CNTN5: variants seen among roughly 807,000 people sequenced by gnomAD.
CNTN5 encodes the protein contactin 5, also known as contactin-5.
Under a neutral mutation model 129.1 loss-of-function variants are expected in CNTN5, and 77 were observed. The observed-to-expected ratio is 0.60, with a 90% confidence interval of 0.50 to 0.72. CNTN5 has a LOEUF of 0.72. Ranked by LOEUF, CNTN5 falls within the 30% of genes least tolerant of loss-of-function variation. CNTN5 has a pLI of 0.00. For synonymous variants in CNTN5, 509 were observed against 465.6 expected, an observed-to-expected ratio of 1.09 and a Z score of -1.20; for missense variants, 1,478 against 1,328.8, an observed-to-expected ratio of 1.11 and a Z score of -1.75.
At chr11:99,318,133 A>G (rs1003727732) in intron 1 of CNTN5, among the ~76,000 whole-genome samples, 1 of 152,252 alleles carries the variant, frequency 6.6e-6, no homozygotes, top group Admixed American at 6.5e-5. Context: ...ATCTTCTTAC[A>G]TGTACATTAT....
chr11:100,032,058 A>T (rs535751418), intron 9 of CNTN5, among the ~76,000 whole-genome samples: 1 of 152,186 alleles, frequency 6.6e-6, no homozygotes, highest in Non-Finnish European at 1.5e-5. Flanking sequence ...GCCAGATCCC[A>T]CAATAAAAGT....
At chr11:99,759,156 A>G (rs1944496590) in intron 3 of CNTN5, among the ~76,000 whole-genome samples, 1 of 152,098 alleles carries the variant, frequency 6.6e-6, no homozygotes, top group African/African-American at 2.4e-5. Context: ...AGGTGTTAAG[A>G]AATTTGCCCT....
intron 2 of CNTN5, among the ~76,000 whole-genome samples, chr11:99,465,736 G>C (rs1944905807): frequency 6.6e-6 from 1 of 151,980 alleles, no homozygotes; most frequent in Non-Finnish European, 1.5e-5. Context: ...TTGGCTTATG[G>C]TGCCGCAGGC....
At chr11:99,480,580 G>C (rs1028055694) in intron 2 of CNTN5, among the ~76,000 whole-genome samples, 9 of 152,124 alleles carry the variant, frequency 5.9e-5, no homozygotes, top group African/African-American at 1.9e-4. Context: ...TTGAATGTTT[G>C]CATATTCTTG....
At chr11:100,165,455 G>GCCT (rs1380087706) in intron 13 of CNTN5, among the ~76,000 whole-genome samples, 1 of 72,312 alleles carries the variant, frequency 1.4e-5, no homozygotes, top group Non-Finnish European at 2.3e-5. Flanking sequence ...ATTGAAAAGT[G>GCCT]ACTAATGTAT....
chr11:99,806,396 G>A (rs1946270545), intron 3 of CNTN5, among the ~76,000 whole-genome samples: 1 of 152,104 alleles, frequency 6.6e-6, no homozygotes, highest in African/African-American at 2.4e-5. Context: ...AAGTGCCATG[G>A]AAGAAAGTAA....
chr11:99,309,085 G>A (rs1213334323), intron 1 of CNTN5, among the ~76,000 whole-genome samples: 1 of 151,878 alleles, frequency 6.6e-6, no homozygotes, highest in Non-Finnish European at 1.5e-5. Context: ...TAGTTATTTT[G>A]AAATTATTTT....
chr11:99,387,639 A>T (rs1002567201), intron 2 of CNTN5, among the ~76,000 whole-genome samples: 4 of 149,342 alleles, frequency 2.7e-5, no homozygotes, highest in Non-Finnish European at 6.0e-5. Flanking sequence ...TAACCAAAGG[A>T]AGTTTCTGTC....
At position 100,147,440 on chromosome 11, in the gene CNTN5, C is replaced by T. The variant is rs1946889337; in HGVS notation, c.1581-43686C>T. Among the ~76,000 whole-genome samples the T allele has an allele frequency of 2.0e-5, 3 of 151,764 alleles. 1 individual carries two copies. Among genetic ancestry groups the T allele is most frequent in the Admixed American group, 2.0e-4 (3 of 15,254 alleles). ...TCTCATGTCTCATGGTATCTTGCCT[C>T]AGTTCTGCATCCTTAGGTGGAAAGA... On this transcript the variant is annotated intron_variant, in intron 13 of 24. Transcript: ENST00000524871.
In CNTN5 at chr11:99,753,732, A is replaced by G. The variant is rs1356801609; in HGVS notation, c.56-65812A>G. 5.2e-5 allele frequency among the ~76,000 whole-genome samples: 7 copies of G among 133,954 alleles called. No individual in the cohort carries two copies. In the Admixed American group the frequency reaches 5.7e-4, roughly 11 times the overall value. 87.9% of individuals were successfully genotyped at this position (133,954 alleles called of 152,430 possible). A position where few individuals can be genotyped will look rare whatever the true frequency, so the allele number is the denominator to read the frequency against. ...GAGACAGAGTCTCAGTCCATCACCC[A>G]GGCTTGGGTGCAGTGTCATGATCTC... On this transcript the variant is annotated intron_variant, in intron 3 of 24. Coordinates refer to ENST00000524871, the MANE Select transcript of CNTN5 (RefSeq NM_014361.4).
At chr11:99,785,822 T>G (rs1591173844) in intron 3 of CNTN5, among the ~76,000 whole-genome samples, 1 of 152,218 alleles carries the variant, frequency 6.6e-6, no homozygotes, top group Non-Finnish European at 1.5e-5. Context: ...TGCTAAAAAC[T>G]CTAAATAAAG....
At chr11:99,934,898 GTATATATATATATATATATA>G (rs200635742) in intron 7 of CNTN5, among the ~76,000 whole-genome samples, 22,655 of 67,482 alleles carry the variant, frequency 0.34, 3,472 homozygotes, top group South Asian at 0.46. Context: ...GTGTGTGTGT[GTATATATATATATATATATA>G]TATATATATA....
intron 13 of CNTN5, among the ~76,000 whole-genome samples, chr11:100,089,909 G>A (rs948881735): frequency 1.3e-5 from 2 of 152,022 alleles, no homozygotes; most frequent in African/African-American, 4.8e-5. Flanking sequence ...TAGAGGGGAG[G>A]GAGAGAATTG....
At chr11:100,042,464 A>G in intron 9 of CNTN5, among the ~76,000 whole-genome samples, 1 of 152,190 alleles carries the variant, frequency 6.6e-6, no homozygotes, top group South Asian at 2.1e-4. Flanking sequence ...GACTTATGCA[A>G]GGAAAATAGG....
At chr11:100,322,943 GTT>G (rs1951723417) in intron 21 of CNTN5, among the ~76,000 whole-genome samples, 1 of 152,104 alleles carries the variant, frequency 6.6e-6, no homozygotes, top group Non-Finnish European at 1.5e-5. Flanking sequence ...TGAATAATCT[GTT>G]TTGTGTATAA....
At chr11:99,088,361 G>T (rs550921242) in intron 1 of CNTN5, among the ~76,000 whole-genome samples, 1 of 152,132 alleles carries the variant, frequency 6.6e-6, no homozygotes, top group Non-Finnish European at 1.5e-5. Context: ...TGGTAAGGTC[G>T]AAGTATATGA....
At chr11:100,175,384 G>A (rs1464884397) in intron 13 of CNTN5, among the ~76,000 whole-genome samples, 1 of 152,000 alleles carries the variant, frequency 6.6e-6, no homozygotes, top group East Asian at 1.9e-4. Context: ...AATACTAAGG[G>A]CTTAATAAAT....
intron 4 of CNTN5, among the ~76,000 whole-genome samples, chr11:99,831,367 T>C (rs1212008184): frequency 1.3e-5 from 2 of 152,176 alleles, no homozygotes; most frequent in Admixed American, 6.6e-5. Flanking sequence ...CAGATGAATA[T>C]AGAGAATGAG....
chr11:100,007,467 C>T (rs1273561471), intron 9 of CNTN5, among the ~76,000 whole-genome samples: 2 of 152,082 alleles, frequency 1.3e-5, no homozygotes, highest in Non-Finnish European at 2.9e-5. Flanking sequence ...TTCTGAATAA[C>T]TAGCTGAAGT....
Sources: allele counts gnomAD v4.1 joint callset (sites outside exome capture counted in the v4.1 genomes callset), GRCh38; gene constraint gnomAD v4.1.1; transcripts MANE v1.5; gene names NCBI Gene and HGNC (gene_info 2026-07-23, HGNC 2026-07-21).